The following MKRN2OS variants were observed in gnomAD, a reference collection of about 807,000 sequenced individuals.
The protein encoded by MKRN2OS is MKRN2 opposite strand.
In MKRN2OS, 17 loss-of-function variants were observed where a neutral mutation model predicts 18.2. The observed-to-expected ratio is 0.93, with a 90% CI of 0.64 to 1.40. The LOEUF (loss-of-function observed/expected upper bound fraction) is 1.40, where lower values mean the gene tolerates loss of function less well. Among genes scored for constraint, MKRN2OS ranks in the 40% most tolerant of loss-of-function variants. The pLI, the probability that MKRN2OS is intolerant of heterozygous loss-of-function variation, is 0.00. For missense variants in MKRN2OS, 337 were observed against 283.0 expected (o/e 1.19, Z -1.37); for synonymous variants, 121 against 108.5 (o/e 1.12, Z -0.72).
intron 1 of MKRN2OS, among the ~76,000 whole-genome samples, chr3:12,557,382 G>A (rs1471541785): frequency 6.6e-6 from 1 of 152,248 alleles, no homozygotes; most frequent in African/African-American, 2.4e-5. Context: ...CGCTGGGCGA[G>A]GCCAGCGCGG....
rs958058133 is a variant in MKRN2OS at position 12,540,216 on chromosome 3, G to T, written c.649C>A (p.Pro217Thr). 9 of 1,535,970 alleles carry T rather than the reference G, an allele frequency of 5.9e-6. No homozygotes were observed. ...TCTCAGCACAAACCGCCGCCCTCAG[G>T]GGGTTGTGCCTGCTGCTGGGGACAG... ...TDCPQQQAQP[P>T]EGGGLC Residue 217 changes from proline to threonine, a missense_variant, in exon 4 of 4, where the codon CCT (proline) becomes ACT (threonine). Pro to Thr is a conservative substitution (Grantham distance 38, BLOSUM62 -1). Coordinates refer to ENST00000564146, the MANE Select transcript of MKRN2OS (RefSeq NM_001195279.2).
rs991269694 is a variant in MKRN2OS at position 12,540,218 on chromosome 3, G to A, written c.647C>T (p.Pro216Leu). ...VTDCPQQQAQ[P>L]PEGGGLC ...TCAGCACAAACCGCCGCCCTCAGGG[G>A]GTTGTGCCTGCTGCTGGGGACAGTC... The change falls in exon 4 of 4, where the codon CCC becomes CTC. Residue 216 changes from proline (P) to leucine (L), a missense_variant. By Grantham distance (98) the Pro-to-Leu change is moderately conservative. Coordinates refer to ENST00000564146, the MANE Select transcript of MKRN2OS (RefSeq NM_001195279.2). 9.1e-6 allele frequency: 14 copies of A among 1,536,002 alleles called. No individual in the cohort carries two copies. Among genetic ancestry groups the A allele is most frequent in the African/African-American group, 1.4e-5 (1 of 73,040 alleles).
At chr3:12,546,415 A>T (rs1279470566), upstream of MKRN2OS, among the ~76,000 whole-genome samples, 1 of 152,072 alleles carries the variant, frequency 6.6e-6, no homozygotes, top group Admixed American at 6.6e-5. Context: ...GTTGTGACTC[A>T]TCTGGGTGTT....
At position 12,544,679 on chromosome 3, in the gene MKRN2OS, C is replaced by CG. The variant is rs755764525; in HGVS notation, c.218+567dup. On this transcript the variant is annotated intron_variant, in intron 1 of 3. Coordinates refer to ENST00000564146, the MANE Select transcript of MKRN2OS (RefSeq NM_001195279.2). ...GGGCAACAAGAGCGAAACTCTGTCT[C>CG]GGGGAAAAAAAAAAGGTATAATCCT... 6.3e-4 allele frequency among the ~76,000 whole-genome samples: 57 copies of CG among 89,772 alleles called. 1 individual carries two copies. The highest frequency in any genetic ancestry group is 2.6e-3 in the African/African-American group (24 of 9,244). The allele number at this position is 89,772 out of a possible 152,430, so 58.9% of individuals were successfully genotyped here.
downstream of MKRN2OS, among the ~76,000 whole-genome samples, chr3:12,552,178 G>A (rs528398607): frequency 1.3e-5 from 2 of 151,748 alleles, no homozygotes; most frequent in East Asian, 2.0e-4. Context: ...AATTAGCTGG[G>A]CGGGGTGGTG....
intron 2 of MKRN2OS, 116 bp downstream of exon 2, chr3:12,543,064 A>G (rs1022022251): frequency 1.8e-5 from 15 of 838,674 alleles, no homozygotes; most frequent in Non-Finnish European, 2.2e-5. Flanking sequence ...GTGCAGTACA[A>G]GAACCCAGTG....
upstream of MKRN2OS, among the ~76,000 whole-genome samples, chr3:12,548,430 A>T (rs1486752633): frequency 7.0e-6 from 1 of 142,534 alleles, no homozygotes; most frequent in Non-Finnish European, 1.5e-5. Context: ...CCTGGGCGAC[A>T]GAGCGAGACT....
rs1438908693 is a variant in MKRN2OS at position 12,545,485 on chromosome 3, C to T, written c.-21G>A. On this transcript the variant is annotated 5_prime_UTR_variant, in exon 1 of 4. Coordinates refer to ENST00000564146, the MANE Select transcript of MKRN2OS (RefSeq NM_001195279.2). Reference sequence around the variant, plus strand: ...TGCATAGCTTTCGCCTCCTGGAATGCTAGGGGAGGTTTCCGGAGACTTCCT... The same window carrying T: ...TGCATAGCTTTCGCCTCCTGGAATGTTAGGGGAGGTTTCCGGAGACTTCCT... 16 of 1,486,392 alleles carry T rather than the reference C, an allele frequency of 1.1e-5. No homozygotes were observed. In the East Asian group the frequency reaches 4.0e-4, roughly 37 times the overall value. 92.1% of individuals were successfully genotyped at this position (1,486,392 alleles called of 1,614,324 possible).
At chr3:12,546,658 G>A (rs903162488), upstream of MKRN2OS, among the ~76,000 whole-genome samples, 1 of 136,874 alleles carries the variant, frequency 7.3e-6, no homozygotes, top group East Asian at 2.1e-4. Flanking sequence ...TCGGCTCACT[G>A]CAACCTCCGC....
chr3:12,549,364 C>T (rs1179499718), upstream of MKRN2OS, among the ~76,000 whole-genome samples: 3 of 152,084 alleles, frequency 2.0e-5, no homozygotes, highest in Admixed American at 1.3e-4. Context: ...CTGCCTTAGC[C>T]TCCCAAGTAA....
Position 12,540,198 on chromosome 3 carries a change from A to G in MKRN2OS, c.667T>C (p.Cys223Arg), listed in dbSNP as rs1246063037. 1 of 1,536,166 alleles carries G rather than the reference A, an allele frequency of 6.5e-7. No homozygotes were observed. The highest frequency in any genetic ancestry group is 2.0e-5 in the Admixed American group (1 of 50,994). The change falls in exon 4 of 4, where the codon TGC becomes CGC. Residue 223 changes from cysteine (C) to arginine (R), a missense_variant. Physicochemically the swap from Cys to Arg is radical, Grantham distance 180. Coordinates refer to ENST00000564146, the MANE Select transcript of MKRN2OS (RefSeq NM_001195279.2). The stretch of plus-strand genomic sequence containing the variant: ...AGGCTGCGCTTACATAGCTCTCAGC[A>G]CAAACCGCCGCCCTCAGGGGGTTGT... Reference protein sequence around the residue: ...QAQPPEGGGLC With the variant: ...QAQPPEGGGLR
upstream of MKRN2OS, among the ~76,000 whole-genome samples, chr3:12,547,190 C>T (rs1044930922): frequency 7.2e-5 from 11 of 152,142 alleles, no homozygotes; most frequent in Non-Finnish European, 1.5e-4. Flanking sequence ...TCTCACATAA[C>T]ATTTCCACCC....
At position 12,540,430 on chromosome 3, in the gene MKRN2OS, A is replaced by C. The variant is rs945198604; in HGVS notation, c.435T>G (p.Tyr145Ter). The C allele has an allele frequency of 3.9e-6, 6 of 1,536,030 alleles. No individual in the cohort carries two copies. The highest frequency in any genetic ancestry group is 5.2e-6 in the Non-Finnish European group (6 of 1,146,922). ...STSGAWLPHR[Y>*]EDNHHNCYSY... ...AGTAGCAGTTATGGTGGTTGTCTTCATACCTTATGGAGGAGAATAAGGGTG... is the reference window on the plus strand; with the variant it reads ...AGTAGCAGTTATGGTGGTTGTCTTCCTACCTTATGGAGGAGAATAAGGGTG... The change falls in exon 4 of 4, where the codon TAT becomes TAG. Residue 145 changes from tyrosine (Y) to a stop codon, truncating the protein, a stop_gained. Coordinates refer to ENST00000564146, the MANE Select transcript of MKRN2OS (RefSeq NM_001195279.2). LOFTEE classifies it low-confidence loss of function (END_TRUNC).
chr3:12,553,717 G>A (rs1174637719), downstream of MKRN2OS: 1 of 152,106 alleles, frequency 6.6e-6, no homozygotes, highest in Non-Finnish European at 1.5e-5. Context: ...AAGATGAAAA[G>A]GAAGCAAAAC....
chr3:12,552,420 T>A (rs946662105), downstream of MKRN2OS, among the ~76,000 whole-genome samples: 13 of 150,464 alleles, frequency 8.6e-5, no homozygotes, highest in Non-Finnish European at 1.6e-4. Flanking sequence ...TTTAATTTTT[T>A]TTTTTTTTTA....
At chr3:12,555,421 T>C (rs1054123940) in intron 1 of MKRN2OS, among the ~76,000 whole-genome samples, 2 of 152,036 alleles carry the variant, frequency 1.3e-5, no homozygotes, top group Non-Finnish European at 2.9e-5. Flanking sequence ...AAATTTCCAG[T>C]ATACTTCCAA....
At chr3:12,554,950 T>A (rs1382453101) in intron 1 of MKRN2OS, among the ~76,000 whole-genome samples, 2 of 152,224 alleles carry the variant, frequency 1.3e-5, no homozygotes, top group Non-Finnish European at 2.9e-5. Flanking sequence ...TTTAAAATAT[T>A]TGAACATAAT....
At chr3:12,556,641 C>T (rs1035501224) in intron 1 of MKRN2OS, among the ~76,000 whole-genome samples, 3 of 151,952 alleles carry the variant, frequency 2.0e-5, no homozygotes, top group African/African-American at 7.3e-5. Context: ...AAGGAATTTC[C>T]TTAAGTGGGA....
chr3:12,552,031 CAAA>C (rs1407794763), downstream of MKRN2OS, among the ~76,000 whole-genome samples: 1 of 150,124 alleles, frequency 6.7e-6, no homozygotes, highest in African/African-American at 2.4e-5. Context: ...ATACAAAAAA[CAAA>C]GAAGGCTGGG....
Sources: allele counts gnomAD v4.1 joint callset (sites outside exome capture counted in the v4.1 genomes callset), GRCh38; gene constraint gnomAD v4.1.1; transcripts MANE v1.5; gene names NCBI Gene and HGNC (gene_info 2026-07-23, HGNC 2026-07-21).